Variants in LRRC4C observed in about 807,000 individuals in gnomAD.
LRRC4C encodes the protein leucine rich repeat containing 4C, also known as leucine-rich repeat-containing protein 4C.
LRRC4C carries 5 observed loss-of-function variants against 33.6 expected under a neutral mutation model. The observed-to-expected ratio is 0.15, with a 90% CI of 0.08 to 0.31. The LOEUF is 0.31. Ranked by LOEUF, LRRC4C falls within the 10% of genes least tolerant of loss-of-function variation. The pLI is 1.00. For synonymous variants in LRRC4C, 329 were observed against 302.0 expected (o/e 1.09, Z -0.93); for missense variants, 560 against 796.7 (o/e 0.70, Z 3.58).
In LRRC4C at chr11:40,438,048, C is replaced by T. The variant is rs1951220202; in HGVS notation, c.-269-118327G>A. ...GTATAAGGCAATGCCCTTGAAGTGA[C>T]CTTCATGTCCCATGCTCACCAGGCC... On this transcript the variant is annotated intron_variant, in intron 3 of 6. Coordinates refer to ENST00000528697, the MANE Select transcript of LRRC4C (RefSeq NM_001258419.2). Among the ~76,000 whole-genome samples, 8 of 152,288 alleles carry T rather than the reference C, an allele frequency of 5.3e-5. No homozygotes were observed. The South Asian group carries it at 1.5e-3, about 28-fold the overall frequency.
At position 41,106,203 on chromosome 11, in the gene LRRC4C, C is replaced by T. The variant is rs190224656; in HGVS notation, c.-495-172480G>A. On this transcript the variant is annotated intron_variant, in intron 1 of 6. Transcript: ENST00000528697. ...CTCTCCTTTTTTTATAATACTTTACCTTTATTATATTCTTTCCATGACTTG... is the reference window on the plus strand; with the variant it reads ...CTCTCCTTTTTTTATAATACTTTACTTTTATTATATTCTTTCCATGACTTG... Among the ~76,000 whole-genome samples the T allele has an allele frequency of 1.5e-4, 23 of 151,694 alleles. 2 individuals are homozygous for T. Among genetic ancestry groups the T allele is most frequent in the Admixed American group, 1.4e-3 (21 of 15,218 alleles).
chr11:40,705,235 C>A (rs2136523088), intron 2 of LRRC4C, among the ~76,000 whole-genome samples: 1 of 152,092 alleles, frequency 6.6e-6, no homozygotes, highest in Non-Finnish European at 1.5e-5. Flanking sequence ...ACTTTAAGTT[C>A]TAGGATACAT....
At chr11:40,231,130 G>A (rs532697334) in intron 5 of LRRC4C, among the ~76,000 whole-genome samples, 2 of 152,280 alleles carry the variant, frequency 1.3e-5, no homozygotes, top group South Asian at 4.1e-4. Context: ...AACTCTGGAG[G>A]CTGAGGTGAG....
chr11:40,616,382 C>T (rs982924472), intron 3 of LRRC4C, among the ~76,000 whole-genome samples: 8 of 151,994 alleles, frequency 5.3e-5, no homozygotes, highest in Admixed American at 2.0e-4. Context: ...ACTAGAAACA[C>T]CATTTGACCC....
chr11:41,090,229 T>C (rs956092254), intron 1 of LRRC4C, among the ~76,000 whole-genome samples: 1 of 152,024 alleles, frequency 6.6e-6, no homozygotes, highest in Non-Finnish European at 1.5e-5. Context: ...AGAGTATGCA[T>C]GGTATGTGAG....
intron 1 of LRRC4C, among the ~76,000 whole-genome samples, chr11:41,416,262 G>A (rs1185518953): frequency 6.6e-6 from 1 of 151,954 alleles, no homozygotes; most frequent in African/African-American, 2.4e-5. Context: ...TTTTACATGG[G>A]AGCTAGGCTA....
chr11:41,265,779 T>G (rs570158823), intron 1 of LRRC4C, among the ~76,000 whole-genome samples: 1 of 152,106 alleles, frequency 6.6e-6, no homozygotes, highest in South Asian at 2.1e-4. Context: ...TCTGAAAAAA[T>G]TTCTCATTAG....
chr11:40,680,790 G>T (rs1471995981), intron 2 of LRRC4C, among the ~76,000 whole-genome samples: 3 of 152,126 alleles, frequency 2.0e-5, no homozygotes, highest in African/African-American at 4.8e-5. Context: ...TTATACACAG[G>T]TGTAAGCAAT....
At chr11:41,326,618 G>C (rs993655070) in intron 1 of LRRC4C, among the ~76,000 whole-genome samples, 1 of 152,166 alleles carries the variant, frequency 6.6e-6, no homozygotes, top group African/African-American at 2.4e-5. Context: ...TTAAGAATGA[G>C]TGATGTAGAT....
intron 2 of LRRC4C, among the ~76,000 whole-genome samples, chr11:40,929,378 C>T (rs973747107): frequency 6.6e-6 from 1 of 152,114 alleles, no homozygotes; most frequent in African/African-American, 2.4e-5. Context: ...TGCACTTGTA[C>T]CCCTTAAATG....
At position 41,075,219 on chromosome 11, in the gene LRRC4C, C is replaced by T. The variant is rs534961716; in HGVS notation, c.-495-141496G>A. Among the ~76,000 whole-genome samples, 11 of 151,996 alleles carry T rather than the reference C, an allele frequency of 7.2e-5. No homozygotes were observed. In the South Asian group the frequency reaches 2.3e-3, roughly 32 times the overall value. On this transcript the variant is annotated intron_variant, in intron 1 of 6. Transcript: ENST00000528697. ...CCCCAGGCTGTTCTCTTCTGAGTTC[C>T]TCCTTGAGAGAATCAATACCAGCAG... is the stretch of plus-strand genomic sequence containing the variant.
intron 3 of LRRC4C, among the ~76,000 whole-genome samples, chr11:40,462,815 T>A (rs551500705): frequency 6.6e-6 from 1 of 152,176 alleles, no homozygotes; most frequent in African/African-American, 2.4e-5. Context: ...TTCATCTCTT[T>A]TTTATCCCAT....
At chr11:40,884,185 T>C (rs1955320609) in intron 2 of LRRC4C, among the ~76,000 whole-genome samples, 1 of 152,074 alleles carries the variant, frequency 6.6e-6, no homozygotes, top group Non-Finnish European at 1.5e-5. Flanking sequence ...GTTCTTGTAT[T>C]AGTTTGCCCA....
chr11:40,745,132 G>A (rs981116122), intron 2 of LRRC4C, among the ~76,000 whole-genome samples: 2 of 152,272 alleles, frequency 1.3e-5, no homozygotes, highest in South Asian at 4.1e-4. Context: ...TTATGGTCCT[G>A]ATAAAAGTTT....
chr11:40,656,208 G>T (rs573339202), intron 2 of LRRC4C, among the ~76,000 whole-genome samples: 3 of 147,960 alleles, frequency 2.0e-5, no homozygotes, highest in Non-Finnish European at 4.5e-5. Flanking sequence ...AGCAGATTCC[G>T]TACTGTTTTT....
At chr11:41,196,338 A>C (rs1258880212) in intron 1 of LRRC4C, among the ~76,000 whole-genome samples, 2 of 152,050 alleles carry the variant, frequency 1.3e-5, no homozygotes, top group Non-Finnish European at 2.9e-5. Flanking sequence ...TAGCTCCTTC[A>C]TTTTCTAGAT....
chr11:40,568,826 C>T (rs1259458534), intron 3 of LRRC4C, among the ~76,000 whole-genome samples: 1 of 152,146 alleles, frequency 6.6e-6, no homozygotes, highest in Non-Finnish European at 1.5e-5. Context: ...AATTAGGAAA[C>T]AATCAAATGA....
At chr11:40,728,379 A>G (rs1947390868) in intron 2 of LRRC4C, among the ~76,000 whole-genome samples, 1 of 151,932 alleles carries the variant, frequency 6.6e-6, no homozygotes. Context: ...GCCGAGGCGG[A>G]CGGATCACGA....
At chr11:40,278,780 C>T (rs889481243) in intron 4 of LRRC4C, among the ~76,000 whole-genome samples, 27 of 92,776 alleles carry the variant, frequency 2.9e-4, no homozygotes, top group East Asian at 1.3e-3. Context: ...TACCACCAGA[C>T]GTATGATAGA....
Sources: gnomAD v4.1 joint callset for allele counts (sites outside exome capture counted in the v4.1 genomes callset) on GRCh38, gnomAD v4.1.1 for gene constraint, MANE v1.5 for transcripts, NCBI Gene and HGNC (gene_info 2026-07-23, HGNC 2026-07-21) for gene names.